The following MAML2 variants were observed in gnomAD, a reference collection of about 807,000 sequenced individuals.
The protein encoded by MAML2 is mastermind-like protein 2.
MAML2 carries 22 observed loss-of-function variants against 96.1 expected under a neutral mutation model. The ratio of observed to expected loss-of-function variants is 0.23; its 90% CI spans 0.16 to 0.33. MAML2 has a LOEUF of 0.33. Ranked by LOEUF, MAML2 falls within the 10% of genes least tolerant of loss-of-function variation. The pLI, the probability that MAML2 is intolerant of heterozygous loss-of-function variation, is 1.00. For missense variants in MAML2, 1,367 were observed against 1,392.4 expected (o/e 0.98, Z 0.29); for synonymous variants, 561 against 521.3 (o/e 1.08, Z -1.04).
chr11:96,276,215 A>C (rs1366234805), intron 1 of MAML2, among the ~76,000 whole-genome samples: 1 of 152,214 alleles, frequency 6.6e-6, no homozygotes, highest in Non-Finnish European at 1.5e-5. Context: ...AGAATAATAT[A>C]ATGTCAGAGA....
chr11:96,180,420 G>A (rs1011870725), intron 1 of MAML2, among the ~76,000 whole-genome samples: 15 of 152,178 alleles, frequency 9.9e-5, no homozygotes, highest in Non-Finnish European at 1.0e-4. Flanking sequence ...TCTTTTTCAG[G>A]ATGCTTATGC....
At chr11:96,015,589 G>GT (rs1039506854) in intron 2 of MAML2, among the ~76,000 whole-genome samples, 2 of 131,858 alleles carry the variant, frequency 1.5e-5, no homozygotes, top group Non-Finnish European at 1.6e-5. Context: ...AAAAAAGGGG[G>GT]GGGGGGCAAT....
At chr11:96,066,559 T>G (rs915360687) in intron 2 of MAML2, among the ~76,000 whole-genome samples, 1 of 152,210 alleles carries the variant, frequency 6.6e-6, no homozygotes, top group African/African-American at 2.4e-5. Flanking sequence ...TTTCCTTGGA[T>G]AAGAGTTTAG....
intron 1 of MAML2, among the ~76,000 whole-genome samples, chr11:96,127,834 TCCC>T (rs1440214616): frequency 7.2e-5 from 11 of 152,206 alleles, no homozygotes; most frequent in Non-Finnish European, 1.3e-4. Flanking sequence ...CCTGCTGACT[TCCC>T]ATCCTAGTGG....
At chr11:96,186,164 A>G (rs1442874930) in intron 1 of MAML2, among the ~76,000 whole-genome samples, 2 of 152,268 alleles carry the variant, frequency 1.3e-5, no homozygotes, top group Admixed American at 1.3e-4. Context: ...TTATACAGCA[A>G]TAAAGCATAA....
intron 1 of MAML2, among the ~76,000 whole-genome samples, chr11:96,117,775 C>T (rs1229785441): frequency 6.6e-6 from 1 of 152,150 alleles, no homozygotes; most frequent in African/African-American, 2.4e-5. Context: ...CACCCCAGGA[C>T]TTAAAAATTG....
intron 1 of MAML2, among the ~76,000 whole-genome samples, chr11:96,121,930 G>A (rs1323673538): frequency 7.3e-6 from 1 of 136,336 alleles, no homozygotes; most frequent in African/African-American, 2.8e-5. Context: ...GGGACTACAG[G>A]CACCCGCCAC....
intron 1 of MAML2, among the ~76,000 whole-genome samples, chr11:96,168,220 C>T (rs1362117272): frequency 1.3e-5 from 2 of 152,098 alleles, no homozygotes; most frequent in African/African-American, 4.8e-5. Flanking sequence ...TTGTAAGGAT[C>T]AAAGGAGTTA....
intron 1 of MAML2, among the ~76,000 whole-genome samples, chr11:96,252,489 G>A (rs973790819): frequency 2.0e-5 from 3 of 148,058 alleles, no homozygotes; most frequent in Admixed American, 1.4e-4. Flanking sequence ...GCAGTGGAGC[G>A]ATCTCTGCTC....
At chr11:96,220,415 G>A (rs1443716898) in intron 1 of MAML2, among the ~76,000 whole-genome samples, 2 of 152,062 alleles carry the variant, frequency 1.3e-5, no homozygotes. Context: ...AGCCCTCCTG[G>A]GACTCAGAGT....
At chr11:96,281,453 AG>A (rs1224329958) in intron 1 of MAML2, among the ~76,000 whole-genome samples, 2 of 152,094 alleles carry the variant, frequency 1.3e-5, no homozygotes, top group Non-Finnish European at 2.9e-5. Flanking sequence ...AAGGCTGGCT[AG>A]GGTAGCCCAC....
At chr11:96,274,231 C>G (rs919494887) in intron 1 of MAML2, among the ~76,000 whole-genome samples, 2 of 151,904 alleles carry the variant, frequency 1.3e-5, no homozygotes, top group Non-Finnish European at 2.9e-5. Context: ...CACAGGAGCC[C>G]GCTACCACGC....
At chr11:96,126,088 T>C (rs909573159) in intron 1 of MAML2, among the ~76,000 whole-genome samples, 1 of 152,214 alleles carries the variant, frequency 6.6e-6, no homozygotes, top group Admixed American at 6.5e-5. Context: ...TTTCGTGACA[T>C]GCTGACTTAT....
chr11:96,318,166 G>A (rs1308267659), intron 1 of MAML2, among the ~76,000 whole-genome samples: 1 of 152,216 alleles, frequency 6.6e-6, no homozygotes, highest in Non-Finnish European at 1.5e-5. Context: ...AAACTGAGCA[G>A]TGTCTATGTA....
At chr11:96,316,804 T>C (rs1364626061) in intron 1 of MAML2, among the ~76,000 whole-genome samples, 1 of 152,170 alleles carries the variant, frequency 6.6e-6, no homozygotes, top group Non-Finnish European at 1.5e-5. Flanking sequence ...AGAAAGAAGA[T>C]GCCATTGCAG....
chr11:96,002,950 G>T (rs1858115794), intron 2 of MAML2, among the ~76,000 whole-genome samples: 1 of 149,664 alleles, frequency 6.7e-6, no homozygotes, highest in African/African-American at 2.5e-5. Context: ...TGATAAGAAG[G>T]ATGATGGCGA....
chr11:96,091,714 C>T (rs1859708753), intron 2 of MAML2, among the ~76,000 whole-genome samples, 178 bp downstream of exon 2: 1 of 152,156 alleles, frequency 6.6e-6, no homozygotes, highest in Non-Finnish European at 1.5e-5. Context: ...AGTACTAGTC[C>T]TTGCCTCTAG....
chr11:96,032,987 G>A (rs1335985639), intron 2 of MAML2, among the ~76,000 whole-genome samples: 3 of 152,192 alleles, frequency 2.0e-5, no homozygotes, highest in Non-Finnish European at 4.4e-5. Flanking sequence ...TCAAAACTTG[G>A]GGCACTTACA....
chr11:96,206,774 T>A (rs545310391), intron 1 of MAML2, among the ~76,000 whole-genome samples: 1 of 152,308 alleles, frequency 6.6e-6, no homozygotes, highest in East Asian at 1.9e-4. Flanking sequence ...CTGCTTTGGT[T>A]ATGGATTTTG....
Sources: allele counts gnomAD v4.1 joint callset (sites outside exome capture counted in the v4.1 genomes callset), GRCh38; gene constraint gnomAD v4.1.1; transcripts MANE v1.5; gene names NCBI Gene and HGNC (gene_info 2026-07-23, HGNC 2026-07-21).